Variants in ALDH1L1 observed in about 807,000 individuals in gnomAD.
ALDH1L1 encodes aldehyde dehydrogenase 1 family member L1, also known as cytosolic 10-formyltetrahydrofolate dehydrogenase.
ALDH1L1 carries 68 observed loss-of-function variants against 101.1 expected under a neutral mutation model. The ratio of observed to expected loss-of-function variants is 0.67; its 90% CI spans 0.55 to 0.82. The LOEUF (loss-of-function observed/expected upper bound fraction) is 0.82. ALDH1L1 is among the 40% of genes least tolerant of loss of function. ALDH1L1 has a pLI of 0.00. For synonymous variants in ALDH1L1, 486 were observed against 470.8 expected, an observed-to-expected ratio of 1.03 and a Z score of -0.42; for missense variants, 1,087 against 1,172.7, an observed-to-expected ratio of 0.93 and a Z score of 1.07.
Position 126,139,275 on chromosome 3 carries a change from G to A in ALDH1L1, c.1077-1315C>T, listed in dbSNP as rs555321528. Among the ~76,000 whole-genome samples, 6 of 152,294 alleles carry A rather than the reference G, an allele frequency of 3.9e-5. No homozygotes were observed. In the South Asian group the frequency reaches 1.2e-3, roughly 32 times the overall value. On this transcript the variant is annotated intron_variant, in intron 9 of 22. Coordinates refer to ENST00000393434, the MANE Select transcript of ALDH1L1 (RefSeq NM_012190.4). ...TAGCCAGACATTTATGGAAATCTTT[G>A]TTAGGTCACTGGCTGACTGCAGGAA...
At chr3:126,117,536 G>T (rs1424098021) in intron 17 of ALDH1L1, among the ~76,000 whole-genome samples, 1 of 151,602 alleles carries the variant, frequency 6.6e-6, no homozygotes, top group Non-Finnish European at 1.5e-5. Context: ...CATGCCTGTA[G>T]TCCCAGCTAC....
chr3:126,172,234 A>G (rs1024192810), intron 1 of ALDH1L1, among the ~76,000 whole-genome samples: 1 of 152,216 alleles, frequency 6.6e-6, no homozygotes, highest in Non-Finnish European at 1.5e-5. Flanking sequence ...TGAAACAAGC[A>G]CCTAAACCAC....
chr3:126,115,188 A>C, intron 17 of ALDH1L1: 1 of 415,842 alleles, frequency 2.4e-6, no homozygotes, highest in South Asian at 1.7e-5. Flanking sequence ...AGGGGCCCAG[A>C]GGCTGGGGCA....
chr3:126,111,345 C>T (rs1946071448), intron 19 of ALDH1L1, among the ~76,000 whole-genome samples: 1 of 152,282 alleles, frequency 6.6e-6, no homozygotes, highest in Non-Finnish European at 1.5e-5. Context: ...TCCACGTGAA[C>T]ATGTCCCAGC....
chr3:126,136,945 T>C, intron 10 of ALDH1L1, 62 bp from the exon 11 acceptor site: 1 of 1,601,332 alleles, frequency 6.2e-7, no homozygotes, highest in Non-Finnish European at 8.5e-7. Context: ...CATACACAGA[T>C]GGCCACACAG....
intron 10 of ALDH1L1, among the ~76,000 whole-genome samples, chr3:126,137,589 C>T (rs897228691): frequency 6.6e-6 from 1 of 152,134 alleles, no homozygotes; most frequent in African/African-American, 2.4e-5. Context: ...AGAGTTTGGC[C>T]CATGTCCTGA....
intron 1 of ALDH1L1, among the ~76,000 whole-genome samples, chr3:126,169,438 C>G (rs1241626453): frequency 6.6e-6 from 1 of 152,178 alleles, no homozygotes; most frequent in East Asian, 1.9e-4. Context: ...TGGTTATTTT[C>G]CCAAGGCTTT....
chr3:126,129,605 G>A, intron 14 of ALDH1L1: 1 of 152,580 alleles, frequency 6.6e-6, no homozygotes, highest in Non-Finnish European at 1.5e-5. Flanking sequence ...CAGTGGCCAT[G>A]CACTCTTGGG....
At chr3:126,197,137 AC>A (rs1262949675) in intron 1 of ALDH1L1, among the ~76,000 whole-genome samples, 1 of 152,212 alleles carries the variant, frequency 6.6e-6, no homozygotes, top group East Asian at 1.9e-4. Flanking sequence ...ACCTGCTGCA[AC>A]ACAAAAGAAA....
At chr3:126,161,320 A>G (rs2108304001) in intron 1 of ALDH1L1, among the ~76,000 whole-genome samples, 2 of 152,360 alleles carry the variant, frequency 1.3e-5, no homozygotes, top group African/African-American at 4.8e-5. Flanking sequence ...AAGATGTTTG[A>G]TATGTATTTG....
intron 18 of ALDH1L1, among the ~76,000 whole-genome samples, chr3:126,113,504 T>C (rs943283377): frequency 2.0e-5 from 3 of 152,106 alleles, no homozygotes; most frequent in African/African-American, 7.2e-5. Flanking sequence ...CGGAGAGCCA[T>C]GGTCAAGCCT....
At chr3:126,155,342 C>A in intron 5 of ALDH1L1, 60 bp downstream of exon 5, 2 of 1,490,654 alleles carry the variant, frequency 1.3e-6, no homozygotes, top group South Asian at 2.5e-5. Context: ...CTCAGGCTGC[C>A]CTCTACAACC....
intron 21 of ALDH1L1, among the ~76,000 whole-genome samples, chr3:126,106,767 A>C (rs937489768): frequency 2.0e-5 from 3 of 152,142 alleles, no homozygotes; most frequent in Non-Finnish European, 4.4e-5. Context: ...GCCTCATTGA[A>C]CCTAGACCGT....
intron 2 of ALDH1L1, 50 bp from the exon 3 acceptor site, chr3:126,158,689 C>G: frequency 1.3e-6 from 2 of 1,554,076 alleles, no homozygotes; most frequent in African/African-American, 1.4e-5. Context: ...CCCACCCACA[C>G]GCAGCCACCT....
chr3:126,167,532 A>G (rs1299164505), intron 1 of ALDH1L1, among the ~76,000 whole-genome samples: 1 of 152,114 alleles, frequency 6.6e-6, no homozygotes, highest in Non-Finnish European at 1.5e-5. Flanking sequence ...ATAAACCATA[A>G]TTGGCAGCTA....
Position 126,111,883 on chromosome 3 carries a change from C to G in ALDH1L1, c.2181+899G>C, listed in dbSNP as rs189505489. Among the ~76,000 whole-genome samples, 234 of 152,282 alleles carry G rather than the reference C, an allele frequency of 1.5e-3. 2 individuals are homozygous for G. Among genetic ancestry groups the G allele is most frequent in the Middle Eastern group, 6.8e-3 (2 of 294 alleles). On this transcript the variant is annotated intron_variant, in intron 19 of 22. Transcript: ENST00000393434. ...CTAAGCCAACCTCAGCTTGCTCCCC[C>G]CCTGGTATCATGGCCTGGATGAAGG...
intron 9 of ALDH1L1, among the ~76,000 whole-genome samples, chr3:126,138,647 G>A (rs1469139283): frequency 1.3e-5 from 2 of 152,214 alleles, no homozygotes; most frequent in East Asian, 1.9e-4. Context: ...TGGGAAAGAT[G>A]TAGTACCCTG....
chr3:126,189,698 G>C (rs954389783), intron 1 of ALDH1L1, among the ~76,000 whole-genome samples: 1 of 152,174 alleles, frequency 6.6e-6, no homozygotes, highest in Admixed American at 6.5e-5. Flanking sequence ...AATATACTTT[G>C]GCATAATACA....
intron 17 of ALDH1L1, among the ~76,000 whole-genome samples, chr3:126,116,057 T>C (rs1369890472): frequency 6.6e-6 from 1 of 151,258 alleles, no homozygotes; most frequent in Non-Finnish European, 1.5e-5. Flanking sequence ...TTTTTTTGTA[T>C]TTTTTGTAGA....
Sources: allele counts gnomAD v4.1 joint callset (sites outside exome capture counted in the v4.1 genomes callset), GRCh38; gene constraint gnomAD v4.1.1; transcripts MANE v1.5; gene names NCBI Gene and HGNC (gene_info 2026-07-23, HGNC 2026-07-21).